The following CYP2C19 variants were observed in gnomAD, a reference collection of about 807,000 sequenced individuals.
CYP2C19 encodes cytochrome P450 family 2 subfamily C member 19, also known as cytochrome P450 2C19.
In CYP2C19, 59 loss-of-function variants were observed where a neutral mutation model predicts 40.9. The observed-to-expected ratio is 1.44, with a 90% confidence interval of 1.17 to 1.79. The LOEUF (loss-of-function observed/expected upper bound fraction) is 1.79, where lower values mean the gene tolerates loss of function less well. Among genes scored for constraint, CYP2C19 ranks in the 40% most tolerant of loss-of-function variants. CYP2C19 has a pLI of 0.00. For synonymous variants in CYP2C19, 253 were observed against 208.7 expected, an observed-to-expected ratio of 1.21 and a Z score of -1.83; for missense variants, 754 against 596.9, an observed-to-expected ratio of 1.26 and a Z score of -2.74.
At position 94,793,900 on chromosome 10, in the gene CYP2C19, C is replaced by T. The variant is rs112252949; in HGVS notation, c.819+11903C>T. On this transcript the variant is annotated intron_variant, in intron 5 of 8. Coordinates refer to ENST00000371321, the MANE Select transcript of CYP2C19 (RefSeq NM_000769.4). ...TTTCTTCAAAGCTGTCAGATAGGGA[C>T]GTTTAAGTCTGCAGAAGTTTCTGCT... Among the ~76,000 whole-genome samples, 490 of 152,262 alleles carry T rather than the reference C, an allele frequency of 3.2e-3. 3 individuals carry two copies. The highest frequency in any genetic ancestry group is 0.011 in the African/African-American group (460 of 41,578).
chr10:94,829,822 G>T (rs1664589001), intron 6 of CYP2C19, among the ~76,000 whole-genome samples: 1 of 151,586 alleles, frequency 6.6e-6, no homozygotes, highest in African/African-American at 2.4e-5. Flanking sequence ...GTGATGTGCA[G>T]ATGGGTTTTT....
intron 5 of CYP2C19, among the ~76,000 whole-genome samples, chr10:94,802,625 TA>T (rs1466595849): frequency 3.3e-5 from 5 of 152,148 alleles, no homozygotes; most frequent in Admixed American, 3.3e-4. Flanking sequence ...ATCCTGTCAC[TA>T]TGATGTTAGC....
intron 6 of CYP2C19, among the ~76,000 whole-genome samples, chr10:94,841,743 A>G (rs1173662307): frequency 1.3e-5 from 2 of 152,060 alleles, no homozygotes; most frequent in Non-Finnish European, 2.9e-5. Flanking sequence ...TAATCTCTTC[A>G]TGGACCCACT....
intron 5 of CYP2C19, among the ~76,000 whole-genome samples, chr10:94,790,889 A>G (rs1006267731): frequency 1.3e-5 from 2 of 152,098 alleles, no homozygotes; most frequent in African/African-American, 4.8e-5. Context: ...TCACAAAATG[A>G]TTAGAGAGAA....
chr10:94,787,534 A>T (rs1848558546), intron 5 of CYP2C19, among the ~76,000 whole-genome samples: 1 of 152,072 alleles, frequency 6.6e-6, no homozygotes, highest in African/African-American at 2.4e-5. Context: ...TTTTGGTTCC[A>T]ATTGCTTTTG....
chr10:94,794,493 A>G (rs542706070), intron 5 of CYP2C19, among the ~76,000 whole-genome samples: 2 of 152,262 alleles, frequency 1.3e-5, no homozygotes, highest in Non-Finnish European at 2.9e-5. Flanking sequence ...GGAACCTCCC[A>G]GTATGGCCAT....
chr10:94,848,976 G>A (rs1163817587), intron 7 of CYP2C19, among the ~76,000 whole-genome samples: 1 of 152,020 alleles, frequency 6.6e-6, no homozygotes, highest in Admixed American at 6.6e-5. Context: ...GGAGATTTTG[G>A]GCTGAGACGA....
At chr10:94,804,253 G>A (rs886096559) in intron 5 of CYP2C19, among the ~76,000 whole-genome samples, 22 of 152,240 alleles carry the variant, frequency 1.4e-4, no homozygotes, top group Admixed American at 1.2e-3. Flanking sequence ...TCATCACCCA[G>A]GAGAACTGCT....
chr10:94,770,568 C>T (rs1355320084), intron 1 of CYP2C19, among the ~76,000 whole-genome samples: 3 of 152,012 alleles, frequency 2.0e-5, no homozygotes, highest in Non-Finnish European at 2.9e-5. Context: ...TGTTCAGGGC[C>T]CAGGGCTCAC....
At position 94,852,252 on chromosome 10, in the gene CYP2C19, A is replaced by C. The variant is rs911530236; in HGVS notation, c.1292-481A>C. 2.6e-5 allele frequency among the ~76,000 whole-genome samples: 4 copies of C among 152,102 alleles called. No homozygotes were observed. In the East Asian group the frequency reaches 7.7e-4, roughly 29 times the overall value. On this transcript the variant is annotated intron_variant, in intron 8 of 8. Coordinates refer to ENST00000371321, the MANE Select transcript of CYP2C19 (RefSeq NM_000769.4). ...TAAAGTTTTAAAGTGAGGGGGTAAC[A>C]TGTTTAGACATGTGATTCTGAAAAT...
chr10:94,780,697 C>A (rs778521013), intron 4 of CYP2C19, 38 bp downstream of exon 4: 1 of 1,609,714 alleles, frequency 6.2e-7, no homozygotes, highest in African/African-American at 1.3e-5. Context: ...AAACCACTTA[C>A]AGTCTTTTTT....
chr10:94,816,100 T>G (rs1315217909), intron 5 of CYP2C19, among the ~76,000 whole-genome samples: 1 of 151,218 alleles, frequency 6.6e-6, no homozygotes, highest in Non-Finnish European at 1.5e-5. Flanking sequence ...ATATTTTTTT[T>G]GCCAAAAAAT....
chr10:94,785,608 G>A (rs1045705681), intron 5 of CYP2C19, among the ~76,000 whole-genome samples: 1 of 152,134 alleles, frequency 6.6e-6, no homozygotes, highest in Non-Finnish European at 1.5e-5. Flanking sequence ...CACTGATACA[G>A]AAATTAAGAA....
chr10:94,794,216 G>A (rs1477721953), intron 5 of CYP2C19, among the ~76,000 whole-genome samples: 1 of 152,114 alleles, frequency 6.6e-6, no homozygotes, highest in Non-Finnish European at 1.5e-5. Flanking sequence ...GAAAAGCACA[G>A]TATTAGGGTG....
chr10:94,798,522 C>A (rs9630086), intron 5 of CYP2C19, among the ~76,000 whole-genome samples: 1 of 151,912 alleles, frequency 6.6e-6, no homozygotes, highest in Non-Finnish European at 1.5e-5. Context: ...TGGTCCAGAG[C>A]TGAGTTCAAG....
rs555626413 is a variant in CYP2C19 at position 94,848,642 on chromosome 10, C to T, written c.1150-1275C>T. Among the ~76,000 whole-genome samples the T allele has an allele frequency of 6.6e-5, 10 of 152,310 alleles. No homozygotes were observed. The East Asian group carries it at 1.9e-3, about 29-fold the overall frequency. On this transcript the variant is annotated intron_variant, in intron 7 of 8. Coordinates refer to ENST00000371321, the MANE Select transcript of CYP2C19 (RefSeq NM_000769.4). Reference sequence around the variant, plus strand: ...GTCATTGGTAGCTTGATGGGGATGGCATTGAATCTATAAATTACCTTGGGC... The same window carrying T: ...GTCATTGGTAGCTTGATGGGGATGGTATTGAATCTATAAATTACCTTGGGC...
At chr10:94,850,916 C>T (rs1049965086) in intron 8 of CYP2C19, among the ~76,000 whole-genome samples, 4 of 152,174 alleles carry the variant, frequency 2.6e-5, no homozygotes, top group African/African-American at 9.6e-5. Context: ...GATCTCCACA[C>T]GTGAAATGTG....
At chr10:94,835,323 TG>T (rs943427348) in intron 6 of CYP2C19, among the ~76,000 whole-genome samples, 2 of 152,292 alleles carry the variant, frequency 1.3e-5, no homozygotes, top group Admixed American at 1.3e-4. Flanking sequence ...GTGAAAGGTT[TG>T]GTGAAGGGTT....
chr10:94,788,920 C>T (rs987869794), intron 5 of CYP2C19, among the ~76,000 whole-genome samples: 4 of 152,130 alleles, frequency 2.6e-5, no homozygotes, highest in African/African-American at 9.7e-5. Context: ...GAGGAATTGC[C>T]ACACTGCCTT....
Sources: allele counts gnomAD v4.1 joint callset (sites outside exome capture counted in the v4.1 genomes callset), GRCh38; gene constraint gnomAD v4.1.1; transcripts MANE v1.5; gene names NCBI Gene and HGNC (gene_info 2026-07-23, HGNC 2026-07-21).